The following TAF3 variants were observed in gnomAD, a reference collection of about 807,000 sequenced individuals.
TAF3 encodes transcription initiation factor TFIID subunit 3.
In TAF3, 7 loss-of-function variants were observed where a neutral mutation model predicts 80.6. That is an observed-to-expected ratio of 0.09 (90% CI 0.05 to 0.16). The LOEUF (loss-of-function observed/expected upper bound fraction) is 0.16, where lower values mean the gene tolerates loss of function less well. Among genes scored for constraint, TAF3 ranks in the 10% least tolerant of loss-of-function variants. The pLI, the probability that TAF3 is intolerant of heterozygous loss-of-function variation, is 1.00. For synonymous variants in TAF3, 444 were observed against 446.1 expected (o/e 1.00, Z 0.06); for missense variants, 921 against 1,140.2 (o/e 0.81, Z 2.77).
At chr10:7,986,566 G>C (rs1367967436) in intron 4 of TAF3, among the ~76,000 whole-genome samples, 9 of 152,152 alleles carry the variant, frequency 5.9e-5, no homozygotes, top group Admixed American at 5.9e-4. Context: ...AGCTCCAAAA[G>C]TTTCCCAAGC....
intron 2 of TAF3, among the ~76,000 whole-genome samples, chr10:7,890,684 G>A (rs572801413): frequency 1.9e-4 from 29 of 152,128 alleles, no homozygotes; most frequent in Non-Finnish European, 2.9e-4. Context: ...TTTCTTTTAA[G>A]TGAAATTAGA....
intron 2 of TAF3, among the ~76,000 whole-genome samples, chr10:7,941,893 A>T (rs1837980189): frequency 6.6e-6 from 1 of 152,210 alleles, no homozygotes; most frequent in Non-Finnish European, 1.5e-5. Flanking sequence ...AGTTTCTTAA[A>T]GTTAGTAAAA....
chr10:7,853,558 T>C (rs562969336), intron 2 of TAF3, among the ~76,000 whole-genome samples: 3 of 152,382 alleles, frequency 2.0e-5, no homozygotes, highest in South Asian at 2.1e-4. Flanking sequence ...TCAACTGTTA[T>C]CTGATTCAGC....
In TAF3 at chr10:7,880,137, G is replaced by GCT. The variant is rs535608555; in HGVS notation, c.409+55578_409+55579dup. Among the ~76,000 whole-genome samples, 166 of 152,298 alleles carry GCT rather than the reference G, an allele frequency of 1.1e-3. 1 individual carries two copies. The highest frequency in any genetic ancestry group is 9.7e-3 in the South Asian group (47 of 4,824). On this transcript the variant is annotated intron_variant, in intron 2 of 6. Transcript: ENST00000344293. ...ACCTGTAATCTCAGCTACTCAGGAG[G>GCT]CTGAGGTGGGAGAATCACCTGAGCC...
At chr10:7,828,805 G>C (rs553048241) in intron 2 of TAF3, among the ~76,000 whole-genome samples, 109 of 152,022 alleles carry the variant, frequency 7.2e-4, no homozygotes, top group African/African-American at 2.4e-3. Context: ...AGGCCGAGGT[G>C]GGCGGATCAC....
chr10:7,927,259 T>C (rs1331233916), intron 2 of TAF3, among the ~76,000 whole-genome samples: 5 of 152,238 alleles, frequency 3.3e-5, no homozygotes, highest in African/African-American at 9.6e-5. Flanking sequence ...ATTTTGTCCA[T>C]GGTGGCCATG....
chr10:7,946,729 A>AAAAAAAAAG (rs1838028101), intron 2 of TAF3, among the ~76,000 whole-genome samples: 2 of 151,590 alleles, frequency 1.3e-5, no homozygotes, highest in South Asian at 2.1e-4. Flanking sequence ...GTCTCAAACG[A>AAAAAAAAAG]AAAAAAAAGA....
chr10:7,958,350 T>C (rs1838156778), intron 2 of TAF3, among the ~76,000 whole-genome samples: 1 of 152,192 alleles, frequency 6.6e-6, no homozygotes, highest in Admixed American at 6.5e-5. Flanking sequence ...TAAAATAAAA[T>C]ATATTCACTC....
At chr10:7,938,394 G>A (rs887356467) in intron 2 of TAF3, among the ~76,000 whole-genome samples, 1 of 152,150 alleles carries the variant, frequency 6.6e-6, no homozygotes, top group African/African-American at 2.4e-5. Flanking sequence ...GGCGGGCCTC[G>A]CCTAAGGTAG....
At chr10:7,918,398 G>A (rs1837732475) in intron 2 of TAF3, among the ~76,000 whole-genome samples, 1 of 152,162 alleles carries the variant, frequency 6.6e-6, no homozygotes, top group South Asian at 2.1e-4. Flanking sequence ...CTTAGAGTAA[G>A]GGAAGAGTGG....
intron 2 of TAF3, among the ~76,000 whole-genome samples, chr10:7,882,972 C>T (rs1051029279): frequency 2.6e-5 from 4 of 152,196 alleles, no homozygotes; most frequent in African/African-American, 9.7e-5. Flanking sequence ...TTGCAGACAT[C>T]ATGCTCCTTT....
rs138167219 is a variant in TAF3 at position 7,924,670 on chromosome 10, T to G, written c.410-39250T>G. 1.8e-3 allele frequency among the ~76,000 whole-genome samples: 276 copies of G among 152,292 alleles called. 1 individual carries two copies. Among genetic ancestry groups the G allele is most frequent in the African/African-American group, 6.3e-3 (261 of 41,574 alleles). Reference sequence around the variant, plus strand: ...CCTTTAAAAATCTATTCTTTTTTATTTTTAAATATGTGTAGCATTACAGAA... The same window carrying G: ...CCTTTAAAAATCTATTCTTTTTTATGTTTAAATATGTGTAGCATTACAGAA... On this transcript the variant is annotated intron_variant, in intron 2 of 6. Transcript: ENST00000344293.
intron 2 of TAF3, among the ~76,000 whole-genome samples, chr10:7,934,813 G>A (rs1341343482): frequency 6.6e-6 from 1 of 152,182 alleles, no homozygotes; most frequent in Non-Finnish European, 1.5e-5. Flanking sequence ...AACATCAAAT[G>A]CGATCAGTTT....
Position 7,924,314 on chromosome 10 carries a change from T to C in TAF3, c.410-39606T>C, listed in dbSNP as rs118148048. ...GGTACAAAACCATGAAAGAAAGCGG[T>C]GGTTCTCTGCTAGCATGTTTTGATT... On this transcript the variant is annotated intron_variant, in intron 2 of 6. Transcript: ENST00000344293. 4.5e-3 allele frequency among the ~76,000 whole-genome samples: 684 copies of C among 152,240 alleles called. 4 individuals carry two copies. Among genetic ancestry groups the C allele is most frequent in the Non-Finnish European group, 6.8e-3 (462 of 68,010 alleles).
chr10:7,944,887 G>C (rs1838009581), intron 2 of TAF3, among the ~76,000 whole-genome samples: 1 of 152,160 alleles, frequency 6.6e-6, no homozygotes, highest in Non-Finnish European at 1.5e-5. Context: ...CAGGTCTTGA[G>C]ATATTTTTTT....
intron 2 of TAF3, among the ~76,000 whole-genome samples, chr10:7,941,607 T>C (rs192596018): frequency 1.3e-5 from 2 of 152,268 alleles, no homozygotes; most frequent in East Asian, 1.9e-4. Context: ...TGTATCCTCA[T>C]CATCCTGGAC....
At chr10:7,901,418 A>C (rs963446820) in intron 2 of TAF3, among the ~76,000 whole-genome samples, 1 of 152,200 alleles carries the variant, frequency 6.6e-6, no homozygotes, top group African/African-American at 2.4e-5. Flanking sequence ...AACAAGTTCT[A>C]CTCTTTCTGG....
chr10:7,965,299 G>C lies in TAF3; in HGVS notation c.1789G>C (p.Asp597His). Reference protein sequence around the residue: ...PYKFKIKEFEDVDPKVKLKDG... With the variant: ...PYKFKIKEFEHVDPKVKLKDG... ...CAAGTTTAAAATCAAAGAATTTGAA[G>C]ATGTTGATCCCAAAGTGAAATTGAA... Residue 597 changes from aspartate to histidine, a missense_variant, in exon 3 of 7, where the codon GAT becomes CAT. By Grantham distance (81) the Asp-to-His change is moderately conservative (BLOSUM62 -1). This residue lies in a region of TAF3 where 743 missense variants were observed against 821.0 expected (regional missense o/e 0.90). Coordinates refer to ENST00000344293, the MANE Select transcript of TAF3 (RefSeq NM_031923.4). 1 of 1,606,066 alleles carries C rather than the reference G, an allele frequency of 6.2e-7. No homozygotes were observed. The highest frequency in any genetic ancestry group is 8.5e-7 in the Non-Finnish European group (1 of 1,178,180).
At chr10:7,902,883 C>G (rs946291763) in intron 2 of TAF3, among the ~76,000 whole-genome samples, 1 of 151,674 alleles carries the variant, frequency 6.6e-6, no homozygotes, top group Non-Finnish European at 1.5e-5. Context: ...CTTCTGTACC[C>G]TTTTTTAGTG....
Sources: gnomAD v4.1 joint callset for allele counts (sites outside exome capture counted in the v4.1 genomes callset) on GRCh38, gnomAD v4.1.1 for gene constraint, gnomAD v4.1.1 regional missense constraint, MANE v1.5 for transcripts, NCBI Gene and HGNC (gene_info 2026-07-23, HGNC 2026-07-21) for gene names.